Variants in CSMD3 observed in about 807,000 individuals in gnomAD.
CSMD3 encodes the protein CUB and sushi domain-containing protein 3.
Under a neutral mutation model 435.2 loss-of-function variants are expected in CSMD3, and 177 were observed. The ratio of observed to expected loss-of-function variants is 0.41; its 90% CI spans 0.36 to 0.46. CSMD3 has a LOEUF of 0.46. Among genes scored for constraint, CSMD3 ranks in the 20% least tolerant of loss-of-function variants. CSMD3 has a pLI of 0.34. For missense variants in CSMD3, 4,265 were observed against 4,504.6 expected (o/e 0.95, Z 1.52); for synonymous variants, 1,656 against 1,520.5 (o/e 1.09, Z -2.07).
chr8:112,902,051 C>T (rs1179715452), intron 10 of CSMD3, among the ~76,000 whole-genome samples: 1 of 151,258 alleles, frequency 6.6e-6, no homozygotes, highest in South Asian at 2.1e-4. Flanking sequence ...GTGAGAAGAT[C>T]ATCCAGTAGA....
chr8:112,708,959 C>T (rs2076555255), intron 13 of CSMD3, among the ~76,000 whole-genome samples: 1 of 152,002 alleles, frequency 6.6e-6, no homozygotes, highest in Admixed American at 6.6e-5. Flanking sequence ...ATCCTTCCTT[C>T]TTTATTAACT....
At chr8:113,292,889 G>A (rs2093695849) in intron 2 of CSMD3, among the ~76,000 whole-genome samples, 1 of 151,846 alleles carries the variant, frequency 6.6e-6, no homozygotes, top group African/African-American at 2.4e-5. Context: ...AAGGTGGAGT[G>A]ATGGGAAAGT....
chr8:112,830,511 A>C (rs1216150494), intron 11 of CSMD3, among the ~76,000 whole-genome samples: 1 of 152,156 alleles, frequency 6.6e-6, no homozygotes, highest in Non-Finnish European at 1.5e-5. Flanking sequence ...AAATAGCTAT[A>C]ATATTGAAAA....
At chr8:113,172,425 G>A (rs910583395) in intron 4 of CSMD3, among the ~76,000 whole-genome samples, 3 of 152,114 alleles carry the variant, frequency 2.0e-5, no homozygotes, top group Non-Finnish European at 4.4e-5. Context: ...TAATGATAGC[G>A]GTAATTGTGG....
chr8:112,983,812 A>AGGAAGGGCTGCCATTCT (rs2085144088), intron 6 of CSMD3, among the ~76,000 whole-genome samples: 2 of 151,982 alleles, frequency 1.3e-5, no homozygotes, highest in Admixed American at 6.6e-5. Flanking sequence ...GTGGGTGGCT[A>AGGAAGGGCTGCCATTCT]GGAAGGGCTG....
chr8:113,372,313 T>C (rs2094350540), intron 1 of CSMD3, among the ~76,000 whole-genome samples: 1 of 152,196 alleles, frequency 6.6e-6, no homozygotes, highest in South Asian at 2.1e-4. Context: ...GGTTACCATA[T>C]TAGGTTGGTA....
chr8:112,329,570 C>T (rs1226231573), intron 45 of CSMD3, among the ~76,000 whole-genome samples: 1 of 152,102 alleles, frequency 6.6e-6, no homozygotes, highest in African/African-American at 2.4e-5. Flanking sequence ...CAAGCCTCTC[C>T]TGACACACTT....
intron 13 of CSMD3, among the ~76,000 whole-genome samples, chr8:112,794,147 A>G (rs1005165164): frequency 3.9e-5 from 6 of 151,964 alleles, no homozygotes; most frequent in African/African-American, 1.5e-4. Context: ...CCATGCCTCT[A>G]TCAGCAAGTT....
chr8:112,441,007 T>G (rs1043159250), intron 32 of CSMD3, among the ~76,000 whole-genome samples: 1 of 152,220 alleles, frequency 6.6e-6, no homozygotes, highest in South Asian at 2.1e-4. Flanking sequence ...TTATGCAGAT[T>G]TCTTTAGCTG....
At chr8:113,263,347 A>G (rs369910545) in intron 3 of CSMD3, among the ~76,000 whole-genome samples, 3 of 152,156 alleles carry the variant, frequency 2.0e-5, no homozygotes, top group African/African-American at 7.2e-5. Context: ...TCATTAAATA[A>G]AAAGAACAAT....
intron 53 of CSMD3, among the ~76,000 whole-genome samples, chr8:112,296,791 TAA>T (rs1182701099): frequency 1.3e-5 from 2 of 151,816 alleles, no homozygotes; most frequent in African/African-American, 4.8e-5. Context: ...TAGAGAACAT[TAA>T]GTTAAAAATT....
At chr8:112,602,933 A>G (rs1380179488) in intron 22 of CSMD3, among the ~76,000 whole-genome samples, 3 of 152,140 alleles carry the variant, frequency 2.0e-5, no homozygotes, top group Non-Finnish European at 4.4e-5. Context: ...GTGGGGAGAG[A>G]GACAAAGTCT....
chr8:112,271,450 T>C (rs1375817140), intron 59 of CSMD3, among the ~76,000 whole-genome samples: 1 of 152,108 alleles, frequency 6.6e-6, no homozygotes, highest in Admixed American at 6.6e-5. Context: ...TATTATAGTA[T>C]GTCATATACA....
intron 3 of CSMD3, among the ~76,000 whole-genome samples, chr8:113,243,900 T>C (rs993542714): frequency 2.6e-5 from 4 of 152,180 alleles, no homozygotes; most frequent in Admixed American, 6.6e-5. Context: ...TATTTTAATA[T>C]CTTTTTTGTA....
intron 1 of CSMD3, among the ~76,000 whole-genome samples, chr8:113,397,853 T>TAAAGAAAG (rs1563781537): frequency 6.7e-6 from 1 of 149,462 alleles, no homozygotes; most frequent in African/African-American, 2.5e-5. Flanking sequence ...AATAAATAAA[T>TAAAGAAAG]AAATAAATAA....
At chr8:112,514,731 A>G (rs920442010) in intron 28 of CSMD3, among the ~76,000 whole-genome samples, 1 of 152,032 alleles carries the variant, frequency 6.6e-6, no homozygotes, top group African/African-American at 2.4e-5. Context: ...GACTGTTTCT[A>G]TATGCAAGCA....
intron 2 of CSMD3, among the ~76,000 whole-genome samples, chr8:113,303,799 C>T (rs2093794967): frequency 7.1e-6 from 1 of 139,964 alleles, no homozygotes; most frequent in Admixed American, 7.9e-5. Flanking sequence ...GACCTAAAAC[C>T]ATAAAAACCC....
At chr8:112,466,454 G>A (rs1177760042) in intron 32 of CSMD3, among the ~76,000 whole-genome samples, 1 of 152,056 alleles carries the variant, frequency 6.6e-6, no homozygotes, top group Non-Finnish European at 1.5e-5. Flanking sequence ...TCAAATATAT[G>A]TGTGAATTTT....
chr8:112,935,354 TA>T (rs1437016878), intron 9 of CSMD3, among the ~76,000 whole-genome samples: 1 of 152,130 alleles, frequency 6.6e-6, no homozygotes, highest in Admixed American at 6.6e-5. Flanking sequence ...GTTCTTTTGC[TA>T]AAAATTGCTT....
Sources: gnomAD v4.1 joint callset for allele counts (sites outside exome capture counted in the v4.1 genomes callset) on GRCh38, gnomAD v4.1.1 for gene constraint, MANE v1.5 for transcripts, NCBI Gene and HGNC (gene_info 2026-07-23, HGNC 2026-07-21) for gene names.